PMFBP1: variants seen among roughly 807,000 people sequenced by gnomAD.
PMFBP1 encodes polyamine modulated factor 1 binding protein 1, also known as polyamine-modulated factor 1-binding protein 1.
PMFBP1 carries 131 observed loss-of-function variants against 137.8 expected under a neutral mutation model. The ratio of observed to expected loss-of-function variants is 0.95; its 90% CI spans 0.82 to 1.10. PMFBP1 has a LOEUF of 1.10. Among genes scored for constraint, PMFBP1 ranks in the 50% least tolerant of loss-of-function variants. The pLI, the probability that PMFBP1 is intolerant of heterozygous loss-of-function variation, is 0.00. For synonymous variants in PMFBP1, 490 were observed against 450.4 expected (o/e 1.09, Z -1.11); for missense variants, 1,199 against 1,175.4 (o/e 1.02, Z -0.29).
the PMFBP1 span, among the ~76,000 whole-genome samples, chr16:72,218,987 A>C: frequency 6.6e-6 from 1 of 152,244 alleles, no homozygotes; most frequent in Non-Finnish European, 1.5e-5. Flanking sequence ...GGATCTTTAA[A>C]AAATTAATTA....
At chr16:72,201,851 G>A in the PMFBP1 span, among the ~76,000 whole-genome samples, 3 of 152,102 alleles carry the variant, frequency 2.0e-5, no homozygotes, top group Admixed American at 2.0e-4. Flanking sequence ...TATATTGAAA[G>A]ACAACAAATT....
At chr16:72,122,801 C>T in intron 19 of PMFBP1, 113 bp downstream of exon 19, 1 of 952,094 alleles carries the variant, frequency 1.1e-6, no homozygotes, top group Non-Finnish European at 1.6e-6. Context: ...TTCCAAAGCA[C>T]CAGGCCTTTC....
chr16:72,193,255 T>C, the PMFBP1 span, among the ~76,000 whole-genome samples: 22 of 152,070 alleles, frequency 1.4e-4, no homozygotes, highest in Non-Finnish European at 2.9e-4. Flanking sequence ...CCTGGTGTAG[T>C]GGTGCACACC....
chr16:72,241,274 C>G, the PMFBP1 span, among the ~76,000 whole-genome samples: 1 of 152,136 alleles, frequency 6.6e-6, no homozygotes, highest in Admixed American at 6.5e-5. Context: ...TTAAATCACT[C>G]CAGCATCTCC....
the PMFBP1 span, among the ~76,000 whole-genome samples, chr16:72,240,685 A>T: frequency 6.6e-6 from 1 of 152,256 alleles, no homozygotes; most frequent in Non-Finnish European, 1.5e-5. Context: ...TGTGGCAGAA[A>T]GCATGCCAGC....
intron 3 of PMFBP1, among the ~76,000 whole-genome samples, chr16:72,163,493 TA>T (rs1251261337): frequency 6.6e-6 from 1 of 152,202 alleles, no homozygotes; most frequent in Non-Finnish European, 1.5e-5. Flanking sequence ...CACACATGTG[TA>T]GGATCAGTGC....
At chr16:72,136,346 C>T in intron 9 of PMFBP1, 102 bp downstream of exon 9, 6 of 1,370,858 alleles carry the variant, frequency 4.4e-6, no homozygotes, top group African/African-American at 1.5e-5. Flanking sequence ...TGTGTTGAGG[C>T]TCCCAAAGCA....
the PMFBP1 span, among the ~76,000 whole-genome samples, chr16:72,228,404 C>A: frequency 6.6e-6 from 1 of 152,292 alleles, no homozygotes; most frequent in East Asian, 1.9e-4. Flanking sequence ...TAACTCCCAT[C>A]TTCCCAAGGC....
At chr16:72,184,177 C>G in the PMFBP1 span, among the ~76,000 whole-genome samples, 1 of 152,162 alleles carries the variant, frequency 6.6e-6, no homozygotes, top group Admixed American at 6.5e-5. Context: ...TCCTGGTCTT[C>G]CTGGTCTTGT....
At chr16:72,154,138 T>C (rs113684922) in intron 4 of PMFBP1, 73 bp downstream of exon 4, 2 of 1,561,238 alleles carry the variant, frequency 1.3e-6, no homozygotes, top group Non-Finnish European at 1.7e-6. Flanking sequence ...AGCGTCTGCT[T>C]TCTAGTGGGC....
At chr16:72,192,552 A>T in the PMFBP1 span, among the ~76,000 whole-genome samples, 1 of 152,166 alleles carries the variant, frequency 6.6e-6, no homozygotes, top group Non-Finnish European at 1.5e-5. Context: ...TTTTATTCTA[A>T]GGGAAGAATA....
the PMFBP1 span, among the ~76,000 whole-genome samples, chr16:72,233,103 A>G: frequency 1.4e-4 from 22 of 152,218 alleles, no homozygotes; most frequent in African/African-American, 5.1e-4. Flanking sequence ...TAAAGGGAAA[A>G]CTAAGGTTTA....
At chr16:72,217,938 C>T in the PMFBP1 span, among the ~76,000 whole-genome samples, 1 of 152,190 alleles carries the variant, frequency 6.6e-6, no homozygotes, top group Non-Finnish European at 1.5e-5. Flanking sequence ...AATATCCCCA[C>T]CATGGTCGAT....
chr16:72,218,019 T>G, the PMFBP1 span, among the ~76,000 whole-genome samples: 2 of 152,202 alleles, frequency 1.3e-5, no homozygotes, highest in Admixed American at 6.5e-5. Context: ...TGCTATACAG[T>G]ATTTCCTGCT....
rs183941870 is a variant in PMFBP1, at chr16:72,142,945, A to G, written c.637-2363T>C. On this transcript the variant is annotated intron_variant, in intron 5 of 20. Coordinates refer to ENST00000237353, the MANE Select transcript of PMFBP1 (RefSeq NM_031293.3). ...TTAATCTCATTTCTGAAAATAGATG[A>G]AAAAAAATTAACTTTTAACAAATTT... 2.0e-5 allele frequency among the ~76,000 whole-genome samples: 3 copies of G among 152,196 alleles called. No individual in the cohort carries two copies. In the East Asian group the frequency reaches 5.8e-4, roughly 29 times the overall value.
the PMFBP1 span, among the ~76,000 whole-genome samples, chr16:72,243,546 C>T: frequency 6.6e-6 from 1 of 152,172 alleles, no homozygotes; most frequent in African/African-American, 2.4e-5. Flanking sequence ...TTGCCTCTGC[C>T]TCCATGTTTA....
intron 3 of PMFBP1, among the ~76,000 whole-genome samples, chr16:72,164,054 C>A (rs2043104282): frequency 6.6e-6 from 1 of 150,918 alleles, no homozygotes; most frequent in South Asian, 2.1e-4. Flanking sequence ...ACAACAACAA[C>A]AACAACATTG....
At chr16:72,249,760 CAA>C in the PMFBP1 span, among the ~76,000 whole-genome samples, 1 of 137,888 alleles carries the variant, frequency 7.3e-6, no homozygotes. Flanking sequence ...ACTAAAAATA[CAA>C]AAAAAAAAAA....
At chr16:72,117,709 T>A (rs183219244), downstream of PMFBP1, among the ~76,000 whole-genome samples, 15 of 146,004 alleles carry the variant, frequency 1.0e-4, no homozygotes, top group East Asian at 2.8e-3. Flanking sequence ...GAATGCTTTT[T>A]AAAAAATTCA....
Sources: gnomAD v4.1 joint callset for allele counts (sites outside exome capture counted in the v4.1 genomes callset) on GRCh38, gnomAD v4.1.1 for gene constraint, MANE v1.5 for transcripts, NCBI Gene and HGNC (gene_info 2026-07-23, HGNC 2026-07-21) for gene names.